The following CLDN10 variants were observed in gnomAD, a reference collection of about 807,000 sequenced individuals.
CLDN10 encodes the protein claudin-10.
CLDN10 carries 15 observed loss-of-function variants against 22.9 expected under a neutral mutation model. That is an observed-to-expected ratio of 0.65 (90% confidence interval 0.44 to 1.01). The LOEUF is 1.01. CLDN10 is among the 50% of genes least tolerant of loss of function. CLDN10 has a pLI of 0.00. For synonymous variants in CLDN10, 114 were observed against 111.4 expected, an observed-to-expected ratio of 1.02 and a Z score of -0.15; for missense variants, 247 against 287.8, an observed-to-expected ratio of 0.86 and a Z score of 1.03.
intron 1 of CLDN10, among the ~76,000 whole-genome samples, chr13:95,537,554 G>A (rs1266173584): frequency 6.6e-6 from 1 of 152,142 alleles, no homozygotes. Flanking sequence ...GTGCAAAGAC[G>A]AAACCATTTT....
In CLDN10 at chr13:95,511,787, TTGG is replaced by T. The variant is rs2043102369; in HGVS notation, c.215-48343_215-48341del. The stretch of plus-strand genomic sequence containing the variant: ...CTCTCCTTTTTTTTTTTTTTTTTTT[TTGG>T]TTTTTGTTTGTTTGTGTTCTGTTTG... On this transcript the variant is annotated intron_variant, in intron 1 of 4. Transcript: ENST00000376873. Among the ~76,000 whole-genome samples, 4 of 33,002 alleles carry T rather than the reference TTGG, an allele frequency of 1.2e-4. 1 individual carries two copies. The highest frequency in any genetic ancestry group is 1.6e-4 in the Non-Finnish European group (2 of 12,766). 21.7% of individuals were successfully genotyped at this position (33,002 alleles called of 152,430 possible). A position where few individuals can be genotyped will look rare whatever the true frequency, so the allele number is the denominator to read the frequency against.
At chr13:95,462,727 C>T (rs192848651) in intron 1 of CLDN10, among the ~76,000 whole-genome samples, 493 of 152,154 alleles carry the variant, frequency 3.2e-3, no homozygotes, top group Non-Finnish European at 4.8e-3. Context: ...CCAAGTTCCA[C>T]CTCATTCTAA....
intron 1 of CLDN10, among the ~76,000 whole-genome samples, chr13:95,474,682 A>G (rs1390296342): frequency 6.6e-6 from 1 of 152,276 alleles, no homozygotes; most frequent in Non-Finnish European, 1.5e-5. Context: ...GCCCTGTCTC[A>G]GTGAAACTGG....
At chr13:95,441,842 T>C (rs1302544825) in intron 1 of CLDN10, among the ~76,000 whole-genome samples, 2 of 152,208 alleles carry the variant, frequency 1.3e-5, no homozygotes, top group African/African-American at 2.4e-5. Flanking sequence ...TTCTTTCCTG[T>C]TAAATGGTGA....
chr13:95,561,200 A>G (rs1485014022), intron 3 of CLDN10, among the ~76,000 whole-genome samples: 3 of 152,180 alleles, frequency 2.0e-5, no homozygotes, highest in Admixed American at 2.0e-4. Context: ...ATCCCTCTTT[A>G]GGAAGCCTCA....
chr13:95,555,288 T>C (rs1232172721), intron 1 of CLDN10, among the ~76,000 whole-genome samples: 2 of 152,226 alleles, frequency 1.3e-5, no homozygotes, highest in East Asian at 3.9e-4. Flanking sequence ...ACTCAGGTCA[T>C]CCACCCTCCT....
In CLDN10 at chr13:95,471,047, G is replaced by A. The variant is rs117969537; in HGVS notation, c.214+37000G>A. 3.5e-3 allele frequency among the ~76,000 whole-genome samples: 532 copies of A among 152,220 alleles called. 8 individuals are homozygous for A. Among genetic ancestry groups the A allele is most frequent in the Admixed American group, 0.026 (393 of 15,284 alleles). ...GAAAGGAGAGGTTACAGGAAAGCCCGAGAGCATGAGCACGGAAAAGGGTAA... is the reference window on the plus strand; with the variant it reads ...GAAAGGAGAGGTTACAGGAAAGCCCAAGAGCATGAGCACGGAAAAGGGTAA... On this transcript the variant is annotated intron_variant, in intron 1 of 4. Transcript: ENST00000376873.
chr13:95,501,728 A>T (rs1446593182), intron 1 of CLDN10, among the ~76,000 whole-genome samples: 1 of 152,178 alleles, frequency 6.6e-6, no homozygotes, highest in Non-Finnish European at 1.5e-5. Context: ...CTTTTAAAAA[A>T]ATCTAGTCTA....
intron 1 of CLDN10, among the ~76,000 whole-genome samples, chr13:95,525,893 C>T (rs1439940978): frequency 6.6e-6 from 1 of 152,088 alleles, no homozygotes; most frequent in African/African-American, 2.4e-5. Flanking sequence ...CTTTGTGCGC[C>T]TGTACTTTCC....
rs556508397 is a variant in CLDN10 at position 95,577,070 on chromosome 13, A to C, written c.465-161A>C. Among the ~76,000 whole-genome samples the C allele has an allele frequency of 1.5e-3, 223 of 152,332 alleles. 1 individual carries two copies. Among genetic ancestry groups the C allele is most frequent in the African/African-American group, 4.3e-3 (178 of 41,582 alleles). ...ATGGCTATAAAAACACTTTGGGAAG[A>C]GTTTACAGCATTTTACAGACACAAG... On this transcript the variant is annotated intron_variant, in intron 3 of 4. Coordinates refer to ENST00000299339, the MANE Select transcript of CLDN10 (RefSeq NM_006984.5).
At chr13:95,517,169 C>T (rs2043177844) in intron 1 of CLDN10, among the ~76,000 whole-genome samples, 1 of 148,630 alleles carries the variant, frequency 6.7e-6, no homozygotes, top group Non-Finnish European at 1.5e-5. Flanking sequence ...CCATCTCTTT[C>T]TGTTTTTTCA....
At chr13:95,577,149 A>G (rs1015824216) in intron 3 of CLDN10, 82 bp from the exon 4 acceptor site, 1 of 860,106 alleles carries the variant, frequency 1.2e-6, no homozygotes, top group African/African-American at 1.7e-5. Context: ...ATAAGCATTT[A>G]GTAAATGTTG....
chr13:95,522,240 T>C (rs1243034235), intron 1 of CLDN10, among the ~76,000 whole-genome samples: 1 of 152,034 alleles, frequency 6.6e-6, no homozygotes, highest in Non-Finnish European at 1.5e-5. Flanking sequence ...CTCATTCTTC[T>C]TTTTTAAAAT....
chr13:95,466,151 G>T (rs369128414), intron 1 of CLDN10, among the ~76,000 whole-genome samples: 1 of 151,520 alleles, frequency 6.6e-6, no homozygotes, highest in Non-Finnish European at 1.5e-5. Context: ...TTTGCCATTT[G>T]AACCATTTTC....
At chr13:95,560,043 C>G in intron 1 of CLDN10, 89 bp from the exon 2 acceptor site, 1 of 1,278,832 alleles carries the variant, frequency 7.8e-7, no homozygotes, top group Non-Finnish European at 1.1e-6. Flanking sequence ...TTTTGGAAAA[C>G]AAACATCCAG....
intron 1 of CLDN10, among the ~76,000 whole-genome samples, chr13:95,526,249 C>T (rs890385147): frequency 2.0e-5 from 3 of 151,950 alleles, no homozygotes; most frequent in African/African-American, 7.3e-5. Flanking sequence ...AACGTTTTCT[C>T]CATGTTAGTT....
intron 1 of CLDN10, among the ~76,000 whole-genome samples, chr13:95,477,967 G>T (rs2042701816): frequency 6.6e-6 from 1 of 152,154 alleles, no homozygotes; most frequent in Non-Finnish European, 1.5e-5. Flanking sequence ...CTAAAACAGT[G>T]GTTCTCAAAA....
intron 1 of CLDN10, among the ~76,000 whole-genome samples, chr13:95,506,543 C>T (rs1222413098): frequency 1.3e-5 from 2 of 152,218 alleles, no homozygotes; most frequent in African/African-American, 4.8e-5. Flanking sequence ...TCTGCCACCT[C>T]AGACCCACCT....
chr13:95,480,229 C>G (rs571543065), intron 1 of CLDN10, among the ~76,000 whole-genome samples: 1 of 152,196 alleles, frequency 6.6e-6, no homozygotes, highest in Non-Finnish European at 1.5e-5. Flanking sequence ...GTCCCTCCCA[C>G]GACACATGGG....
Sources: allele counts gnomAD v4.1 joint callset (sites outside exome capture counted in the v4.1 genomes callset), GRCh38; gene constraint gnomAD v4.1.1; transcripts MANE v1.5; gene names NCBI Gene and HGNC (gene_info 2026-07-23, HGNC 2026-07-21).